Variants in GON4L observed in about 807,000 individuals in gnomAD.
GON4L encodes GON-4-like protein.
GON4L carries 87 observed loss-of-function variants against 211.8 expected under a neutral mutation model. The observed-to-expected ratio is 0.41, with a 90% CI of 0.35 to 0.49. The LOEUF is 0.49. Ranked by LOEUF, GON4L falls within the 20% of genes least tolerant of loss-of-function variation. The pLI, the probability that GON4L is intolerant of heterozygous loss-of-function variation, is 0.15. For missense variants in GON4L, 2,155 were observed against 2,659.5 expected, an observed-to-expected ratio of 0.81 and a Z score of 4.17; for synonymous variants, 875 against 962.6, an observed-to-expected ratio of 0.91 and a Z score of 1.68.
At chr1:155,748,266 G>A, downstream of GON4L, 1 of 1,228,666 alleles carries the variant, frequency 8.1e-7, no homozygotes, top group Non-Finnish European at 1.1e-6. Flanking sequence ...AGATCACACT[G>A]TCCTATGCTT....
chr1:155,745,872 A>G (rs779439456), downstream of GON4L: 1 of 968,930 alleles, frequency 1.0e-6, no homozygotes, highest in Non-Finnish European at 1.5e-6. Context: ...CAGTTGGGAC[A>G]TTTTGCCGGT....
intron 16 of GON4L, 103 bp from the exon 17 acceptor site, chr1:155,775,276 A>G: frequency 7.0e-7 from 1 of 1,437,534 alleles, no homozygotes; most frequent in South Asian, 1.2e-5. Flanking sequence ...CTACAGGATA[A>G]AAACAGGTAA....
intron 24 of GON4L, 58 bp downstream of exon 24, chr1:155,760,386 A>G: frequency 9.3e-7 from 1 of 1,070,932 alleles, no homozygotes; most frequent in Non-Finnish European, 1.4e-6. Flanking sequence ...ACCCCATTCA[A>G]TCCCAGTCTC....
chr1:155,762,544 CAG>C (rs958072769), intron 22 of GON4L, among the ~76,000 whole-genome samples, 170 bp from the exon 23 acceptor site: 4 of 152,338 alleles, frequency 2.6e-5, no homozygotes, highest in East Asian at 1.9e-4. Flanking sequence ...CAGTTCTACG[CAG>C]AGTCTGCAGT....
intron 17 of GON4L, 105 bp from the exon 18 acceptor site, chr1:155,773,315 A>G: frequency 7.7e-7 from 1 of 1,303,852 alleles, no homozygotes. Context: ...ATCCTTACCT[A>G]ACTTGATTCC....
chr1:155,774,208 T>G (rs900518835), intron 17 of GON4L, among the ~76,000 whole-genome samples: 1 of 152,130 alleles, frequency 6.6e-6, no homozygotes, highest in African/African-American at 2.4e-5. Flanking sequence ...ACATGGCAAA[T>G]GTATAATCTC....
At chr1:155,822,244 A>G in intron 4 of GON4L, 42 bp downstream of exon 4, 1 of 1,494,638 alleles carries the variant, frequency 6.7e-7, no homozygotes, top group Non-Finnish European at 9.3e-7. Context: ...TTTCCATGAA[A>G]AAGTTCCCTT....
At chr1:155,786,787 T>A (rs1479391651) in intron 12 of GON4L, among the ~76,000 whole-genome samples, 1 of 152,088 alleles carries the variant, frequency 6.6e-6, no homozygotes, top group Non-Finnish European at 1.5e-5. Flanking sequence ...TTTTTTTTTT[T>A]AATAGAGGCA....
intron 17 of GON4L, 115 bp downstream of exon 17, chr1:155,774,887 A>C (rs1157019761): frequency 8.6e-7 from 1 of 1,169,034 alleles, no homozygotes; most frequent in African/African-American, 1.5e-5. Context: ...GGAAGAAATT[A>C]CAAATGTCCT....
rs180982162 is a variant in GON4L at position 155,761,770 on chromosome 1, T to C, written c.4911+420A>G. On this transcript the variant is annotated intron_variant, in intron 23 of 31. Coordinates refer to ENST00000368331, the MANE Select transcript of GON4L (RefSeq NM_001282860.2). ...TCGGCCTCCCAAAGTGCTGGGATTA[T>C]AGGTGTCAGCCACCACGCCCAGCTG... Among the ~76,000 whole-genome samples, 7 of 152,208 alleles carry C rather than the reference T, an allele frequency of 4.6e-5. No homozygotes were observed. The South Asian group carries it at 6.2e-4, about 14-fold the overall frequency.
chr1:155,765,836 C>A lies in GON4L; in HGVS notation c.3637G>T (p.Val1213Leu). ...GGGGTGGATGGTATAGGAAGATTCA[C>A]AGAATTGCCAGAAACAATTAAGGGT... ...VSPLIVSGNS[V>L]NLPIPSTPED... Residue 1213 changes from valine (V) to leucine (L), a missense_variant, in exon 21 of 32, where the codon GTG becomes TTG. Around this residue, in one of 6 missense-constraint regions of GON4L, gnomAD observed 615 missense variants for 625.7 expected, o/e 0.98. Transcript: ENST00000368331. 1 of 1,614,126 alleles carries A rather than the reference C, an allele frequency of 6.2e-7. No individual in the cohort carries two copies. The highest frequency in any genetic ancestry group is 8.5e-7 in the Non-Finnish European group (1 of 1,180,030).
chr1:155,787,225 A>C (rs903447190), intron 12 of GON4L, among the ~76,000 whole-genome samples: 2 of 152,218 alleles, frequency 1.3e-5, no homozygotes, highest in African/African-American at 4.8e-5. Context: ...TTTAAAGATC[A>C]GTTTATTAAC....
In GON4L at chr1:155,750,030, G is replaced by T; in HGVS notation, c.*554C>A. On this transcript the variant is annotated 3_prime_UTR_variant, in exon 32 of 32. Transcript: ENST00000368331. ...CACCAAACTCGACTTGCGGCGCTGG[G>T]CCAGCTTCATGGATGCTGGAGTGGA... 1 of 1,291,732 alleles carries T rather than the reference G, an allele frequency of 7.7e-7. No individual in the cohort carries two copies. The highest frequency in any genetic ancestry group is 1.3e-5 in the South Asian group (1 of 77,504). 80.0% of individuals were successfully genotyped at this position (1,291,732 alleles called of 1,614,324 possible).
chr1:155,747,880 G>A (rs1199428005), downstream of GON4L: 2 of 1,581,818 alleles, frequency 1.3e-6, no homozygotes, highest in East Asian at 2.2e-5. Context: ...CTGCTACCTG[G>A]TCCCTACCAT....
At position 155,763,305 on chromosome 1, in the gene GON4L, A is replaced by G; in HGVS notation, c.4726+7T>C. Reference sequence around the variant, plus strand: ...ATGGTCCTTCAGTATAGGTTTGCCTAGCTCACCTGGTGGAGTTCTGCTGGT... The same window carrying G: ...ATGGTCCTTCAGTATAGGTTTGCCTGGCTCACCTGGTGGAGTTCTGCTGGT... On this transcript the variant is annotated splice_region_variant and intron_variant, in intron 22 of 31. Transcript: ENST00000368331. 1.9e-6 allele frequency: 3 copies of G among 1,613,622 alleles called. No individual in the cohort carries two copies. The highest frequency in any genetic ancestry group is 2.5e-6 in the Non-Finnish European group (3 of 1,179,590).
chr1:155,746,704 A>G, downstream of GON4L: 1 of 962,400 alleles, frequency 1.0e-6, no homozygotes, highest in African/African-American at 2.9e-5. Context: ...TAACTGATGT[A>G]TGGATAAGGG....
At chr1:155,775,224 A>G (rs1663657792) in intron 16 of GON4L, 51 bp from the exon 17 acceptor site, 1 of 1,611,418 alleles carries the variant, frequency 6.2e-7, no homozygotes, top group Non-Finnish European at 8.5e-7. Flanking sequence ...GACAATTAAT[A>G]CCAGTAGCCT....
At chr1:155,803,587 T>G (rs1267549880) in intron 11 of GON4L, among the ~76,000 whole-genome samples, 4 of 152,178 alleles carry the variant, frequency 2.6e-5, no homozygotes, top group Admixed American at 6.5e-5. Flanking sequence ...TCAATATTTC[T>G]TCCCCATTTC....
chr1:155,803,720 A>C (rs754424842), intron 11 of GON4L, among the ~76,000 whole-genome samples: 6 of 152,204 alleles, frequency 3.9e-5, no homozygotes, highest in Non-Finnish European at 7.3e-5. Flanking sequence ...GTACCAAGAG[A>C]CTGGGCATGA....
Sources: allele counts gnomAD v4.1 joint callset (sites outside exome capture counted in the v4.1 genomes callset), GRCh38; gene constraint gnomAD v4.1.1; regional missense constraint gnomAD v4.1.1; transcripts MANE v1.5; gene names NCBI Gene and HGNC (gene_info 2026-07-23, HGNC 2026-07-21).